SERPINB8: variants seen among roughly 807,000 people sequenced by gnomAD.
SERPINB8 encodes serpin family B member 8, also known as serpin B8.
In SERPINB8, 25 loss-of-function variants were observed where a neutral mutation model predicts 35.3. That is an observed-to-expected ratio of 0.71 (90% CI 0.52 to 0.99). The LOEUF is 0.99. SERPINB8 is among the 50% of genes least tolerant of loss of function. The probability of loss-of-function intolerance (pLI) is 0.00; values close to 1 mark genes in which losing one functional copy is unlikely to be tolerated. For synonymous variants in SERPINB8, 186 were observed against 160.8 expected (o/e 1.16, Z -1.19); for missense variants, 484 against 446.5 (o/e 1.08, Z -0.76).
chr18:63,971,419 G>A (rs1284038724), intron 1 of SERPINB8, among the ~76,000 whole-genome samples: 1 of 152,168 alleles, frequency 6.6e-6, no homozygotes, highest in Non-Finnish European at 1.5e-5. Context: ...CACCTGGTAT[G>A]GTGTGTTCCA....
At chr18:64,008,180 T>A (rs2050909065), downstream of SERPINB8, among the ~76,000 whole-genome samples, 1 of 152,160 alleles carries the variant, frequency 6.6e-6, no homozygotes, top group Admixed American at 6.5e-5. Flanking sequence ...AAAACATTCA[T>A]TAAGCTTTAA....
chr18:64,009,152 T>G (rs1236767610), downstream of SERPINB8, among the ~76,000 whole-genome samples: 1 of 152,162 alleles, frequency 6.6e-6, no homozygotes, highest in Non-Finnish European at 1.5e-5. Flanking sequence ...TAAGCAAGAT[T>G]GTTATGTTGA....
At chr18:63,972,664 G>T (rs983675887) in intron 1 of SERPINB8, among the ~76,000 whole-genome samples, 1 of 10,072 alleles carries the variant, frequency 9.9e-5, no homozygotes, top group Non-Finnish European at 1.9e-4. Context: ...CACAGGCCCC[G>T]GTGTGTGATT....
At chr18:63,973,017 G>T (rs1314509987) in intron 1 of SERPINB8, among the ~76,000 whole-genome samples, 2 of 152,336 alleles carry the variant, frequency 1.3e-5, no homozygotes, top group South Asian at 2.1e-4. Flanking sequence ...GTAATGGGGT[G>T]GCTGGGTCAA....
chr18:64,004,802 C>T, intron 1 of SERPINB8: 2 of 398,558 alleles, frequency 5.0e-6, no homozygotes, highest in Middle Eastern at 1.3e-3. Context: ...AAACTCTCAT[C>T]TTGTGCCTCC....
rs146215282 is a variant in SERPINB8, at chr18:63,988,405, A to C, written c.*1127A>C. 2.0e-5 allele frequency: 3 copies of C among 152,332 alleles called. No individual in the cohort carries two copies. The highest frequency in any genetic ancestry group is 7.2e-5 in the African/African-American group (3 of 41,582). The allele number at this position is 152,332 out of a possible 1,614,324, so 9.4% of individuals were successfully genotyped here. A position where few individuals can be genotyped will look rare whatever the true frequency, so the allele number is the denominator to read the frequency against. On this transcript the variant is annotated 3_prime_UTR_variant, in exon 7 of 7. Coordinates refer to ENST00000397985, the MANE Select transcript of SERPINB8 (RefSeq NM_002640.4). Reference sequence around the variant, plus strand: ...GTAATTAAAATTATTTCTATTAACAAATAATAGATTGCTAATAATATATAT... The same window carrying C: ...GTAATTAAAATTATTTCTATTAACACATAATAGATTGCTAATAATATATAT...
intron 1 of SERPINB8, among the ~76,000 whole-genome samples, chr18:63,977,968 T>A (rs898397796): frequency 1.3e-5 from 2 of 152,116 alleles, no homozygotes; most frequent in African/African-American, 4.8e-5. Flanking sequence ...GTGGCCCCTA[T>A]CCCTCTGACC....
intron 1 of SERPINB8, among the ~76,000 whole-genome samples, chr18:63,999,367 T>A (rs2050864116): frequency 6.6e-6 from 1 of 152,196 alleles, no homozygotes; most frequent in Non-Finnish European, 1.5e-5. Context: ...CCGGACCCAA[T>A]GTGTTACCTG....
At chr18:63,972,590 A>G (rs1287937214) in intron 1 of SERPINB8, among the ~76,000 whole-genome samples, 2 of 152,150 alleles carry the variant, frequency 1.3e-5, no homozygotes, top group Admixed American at 6.5e-5. Context: ...CGCACCCATC[A>G]ACTAGTCATT....
chr18:64,000,017 C>T (rs1256431146), intron 1 of SERPINB8, among the ~76,000 whole-genome samples: 2 of 152,112 alleles, frequency 1.3e-5, no homozygotes, highest in Non-Finnish European at 2.9e-5. Flanking sequence ...AGCCTCAGCT[C>T]TTTGGTTTGA....
chr18:63,980,520 T>G (rs1294212365), intron 3 of SERPINB8, among the ~76,000 whole-genome samples: 1 of 152,176 alleles, frequency 6.6e-6, no homozygotes, highest in Non-Finnish European at 1.5e-5. Flanking sequence ...AGTGAACTGA[T>G]TGCAGCAAGC....
chr18:64,000,110 C>T (rs1315061926), intron 1 of SERPINB8, among the ~76,000 whole-genome samples: 2 of 152,210 alleles, frequency 1.3e-5, no homozygotes, highest in East Asian at 3.8e-4. Context: ...TCGTGGTGCA[C>T]CTGGATCAAT....
chr18:64,006,888 A>C (rs2144846374), downstream of SERPINB8, among the ~76,000 whole-genome samples: 1 of 152,328 alleles, frequency 6.6e-6, no homozygotes, highest in African/African-American at 2.4e-5. Flanking sequence ...AGAAAAAACA[A>C]GGCTGAAAAA....
rs1175455502 is a variant in SERPINB8, at chr18:63,988,240, T to A, written c.*962T>A. 2.0e-5 allele frequency: 3 copies of A among 152,190 alleles called. No homozygotes were observed. The highest frequency in any genetic ancestry group is 4.4e-5 in the Non-Finnish European group (3 of 68,038). 9.4% of individuals were successfully genotyped at this position (152,190 alleles called of 1,614,324 possible). A position where few individuals can be genotyped will look rare whatever the true frequency, so the allele number is the denominator to read the frequency against. Reference sequence around the variant, plus strand: ...AAATTTATAAGCATTTTACTACAAGTTAATCATATCCTTCAGTAGCTTATT... The same window carrying A: ...AAATTTATAAGCATTTTACTACAAGATAATCATATCCTTCAGTAGCTTATT... On this transcript the variant is annotated 3_prime_UTR_variant, in exon 7 of 7. Transcript: ENST00000397985.
chr18:63,984,918 A>G (rs1184231391), intron 5 of SERPINB8, among the ~76,000 whole-genome samples, 175 bp from the exon 6 acceptor site: 3 of 151,874 alleles, frequency 2.0e-5, no homozygotes, highest in Non-Finnish European at 4.4e-5. Flanking sequence ...GATCTGCTGG[A>G]ACAATAGCTT....
chr18:63,986,860 CT>C lies in SERPINB8; in HGVS notation c.721-11del. ...GTCATCTAAATTTTAAGGTTTGAGT[CT>C]TTCTTATCCTAGGTGGAAAAAGCAC... On this transcript the variant is annotated splice_polypyrimidine_tract_variant and intron_variant, in intron 6 of 6. Coordinates refer to ENST00000397985, the MANE Select transcript of SERPINB8 (RefSeq NM_002640.4). 1 of 1,585,126 alleles carries C rather than the reference CT, an allele frequency of 6.3e-7. No individual in the cohort carries two copies. Among genetic ancestry groups the C allele is most frequent in the Non-Finnish European group, 8.6e-7 (1 of 1,168,750 alleles).
At chr18:63,990,072 T>TTG (rs1491413952), downstream of SERPINB8, among the ~76,000 whole-genome samples, 3 of 51,364 alleles carry the variant, frequency 5.8e-5, no homozygotes, top group South Asian at 4.7e-4. Context: ...TGTTTTCGTG[T>TTG]TTTTTTTTTT....
chr18:63,984,180 T>G (rs1479217488), intron 5 of SERPINB8, among the ~76,000 whole-genome samples: 1 of 152,224 alleles, frequency 6.6e-6, no homozygotes, highest in Non-Finnish European at 1.5e-5. Flanking sequence ...CTCCTGTGTA[T>G]CTTTAATGGC....
chr18:63,987,669 A>G lies in SERPINB8; in HGVS notation c.*391A>G. 5.5e-6 allele frequency: 1 copy of G among 182,464 alleles called. No individual in the cohort carries two copies. 11.3% of individuals were successfully genotyped at this position (182,464 alleles called of 1,614,324 possible). A position where few individuals can be genotyped will look rare whatever the true frequency, so the allele number is the denominator to read the frequency against. ...GGGACTAGTGCCCAGGTGACACTGC[A>G]CACAAAGCCAAGGGCAAACCCTATA... On this transcript the variant is annotated 3_prime_UTR_variant, in exon 7 of 7. Coordinates refer to ENST00000397985, the MANE Select transcript of SERPINB8 (RefSeq NM_002640.4).
Sources: gnomAD v4.1 joint callset for allele counts (sites outside exome capture counted in the v4.1 genomes callset) on GRCh38, gnomAD v4.1.1 for gene constraint, MANE v1.5 for transcripts, NCBI Gene and HGNC (gene_info 2026-07-23, HGNC 2026-07-21) for gene names.